DDB1: variants seen among roughly 807,000 people sequenced by gnomAD.
The protein encoded by DDB1 is DNA damage-binding protein 1.
DDB1 carries 18 observed loss-of-function variants against 133.1 expected under a neutral mutation model. The ratio of observed to expected loss-of-function variants is 0.14; its 90% CI spans 0.09 to 0.20. The LOEUF is 0.20. DDB1 is among the 10% of genes least tolerant of loss of function. DDB1 has a pLI of 1.00. For missense variants in DDB1, 828 were observed against 1,459.2 expected, an observed-to-expected ratio of 0.57 and a Z score of 7.05; for synonymous variants, 580 against 550.5, an observed-to-expected ratio of 1.05 and a Z score of -0.75.
At chr11:61,302,043 A>G (rs552252536) in intron 25 of DDB1, 1 of 459,802 alleles carries the variant, frequency 2.2e-6, no homozygotes. Context: ...GACCAGCGGA[A>G]GCTAGGTGAT....
At position 61,330,021 on chromosome 11, in the gene DDB1, G is replaced by A. The variant is rs139037061; in HGVS notation, c.264C>T (p.Ile88=). The change falls in exon 3 of 27, where the codon ATC becomes ATT. Residue 88 remains isoleucine, a synonymous_variant. Transcript: ENST00000301764. The part of the protein sequence containing the change: ...FILTAKYNAC[I]LEYKQSGESI... ...TCTCGCCACTCTGTTTATACTCCAG[G>A]ATGCAGGCATTGTACTTCGCTGTCA... is the stretch of plus-strand genomic sequence containing the variant. 5 of 1,613,896 alleles carry A rather than the reference G, an allele frequency of 3.1e-6. No homozygotes were observed. The highest frequency in any genetic ancestry group is 4.2e-6 in the Non-Finnish European group (5 of 1,179,912).
At position 61,299,811 on chromosome 11, in the gene DDB1, G is replaced by A. The variant is rs1377851442; in HGVS notation, c.*325C>T. The A allele has an allele frequency of 1.9e-5, 8 of 423,258 alleles. No homozygotes were observed. The highest frequency in any genetic ancestry group is 1.1e-4 in the South Asian group (5 of 45,434). 26.2% of individuals were successfully genotyped at this position (423,258 alleles called of 1,614,324 possible). ...CACACACACATACACACACACACAC[G>A]CACAGCTTCCTTTCAGCCAAAGAAC... On this transcript the variant is annotated 3_prime_UTR_variant, in exon 27 of 27. Coordinates refer to ENST00000301764, the MANE Select transcript of DDB1 (RefSeq NM_001923.5).
chr11:61,311,468 C>G (rs1436555766), intron 18 of DDB1: 2 of 274,876 alleles, frequency 7.3e-6, no homozygotes, highest in African/African-American at 4.4e-5. Context: ...ACAAACAAAC[C>G]TGGAAGCCCG....
intron 21 of DDB1, among the ~76,000 whole-genome samples, chr11:61,308,203 AC>A (rs770219025): frequency 7.9e-5 from 12 of 152,296 alleles, no homozygotes; most frequent in Admixed American, 7.8e-4. Context: ...TCACCAGAAC[AC>A]CAGCTCAGTC....
intron 22 of DDB1, 151 bp downstream of exon 22, chr11:61,303,714 A>C: frequency 1.1e-6 from 1 of 922,182 alleles, no homozygotes. Context: ...AAAAAAAAAA[A>C]AAAAAAAAAA....
intron 1 of DDB1, chr11:61,332,014 G>A: frequency 8.9e-6 from 2 of 224,108 alleles, no homozygotes; most frequent in Non-Finnish European, 1.8e-5. Context: ...AGTTACAGTG[G>A]CAGGCTCTAA....
Position 61,303,309 on chromosome 11 carries a change from C to T in DDB1, c.2833-154G>A, listed in dbSNP as rs551571659. ...AAGTGTCACCCTAGAGGGATTCTCC[C>T]CGACCTCTCTGCCAACGCAGCCCAT... On this transcript the variant is annotated intron_variant, in intron 22 of 26. Transcript: ENST00000301764. The T allele has an allele frequency of 7.4e-5, 49 of 663,018 alleles. No individual in the cohort carries two copies. In the East Asian group the frequency reaches 1.4e-3, roughly 19 times the overall value. The allele number at this position is 663,018 out of a possible 1,614,324, so 41.1% of individuals were successfully genotyped here.
At chr11:61,301,190 C>G (rs551005012) in intron 25 of DDB1, 1 of 425,840 alleles carries the variant, frequency 2.3e-6, no homozygotes, top group East Asian at 5.1e-5. Context: ...ATGTGAAGCC[C>G]GTATATGTAT....
intron 21 of DDB1, among the ~76,000 whole-genome samples, chr11:61,305,085 A>C (rs1377414980): frequency 6.6e-6 from 1 of 151,742 alleles, no homozygotes; most frequent in African/African-American, 2.4e-5. Flanking sequence ...TTCAGGATCC[A>C]GATAATCCCC....
In DDB1 at chr11:61,314,154, C is replaced by T; in HGVS notation, c.1646G>A (p.Ser549Asn). 6.2e-7 allele frequency: 1 copy of T among 1,613,754 alleles called. No individual in the cohort carries two copies. Among genetic ancestry groups the T allele is most frequent in the East Asian group, 2.2e-5 (1 of 44,892 alleles). The stretch of plus-strand genomic sequence containing the variant: ...GGCACAAAGAGGGGACAGTCCATTG[C>T]TGTCTCCTAATGGGGTGATGTCCAA... ...ACLDITPLGD[S>N]NGLSPLCAIG... is the part of the protein sequence containing the mutation. Residue 549 changes from serine to asparagine, a missense_variant, in exon 14 of 27, where the codon AGC (serine) becomes AAC (asparagine). By Grantham distance (46) the Ser-to-Asn change is conservative. Transcript: ENST00000301764.
rs1196315415 is a variant in DDB1, at chr11:61,310,444, T to C, written c.2278-26A>G. 12 of 1,580,000 alleles carry C rather than the reference T, an allele frequency of 7.6e-6. No homozygotes were observed. The East Asian group carries it at 2.2e-4, about 30-fold the overall frequency. On this transcript the variant is annotated intron_variant, in intron 18 of 26. Coordinates refer to ENST00000301764, the MANE Select transcript of DDB1 (RefSeq NM_001923.5). ...CTGCAAACAGAGAGAATGCACATCA[T>C]CCTTCTCAAACACAGAAGAAGTGCT... is the stretch of plus-strand genomic sequence containing the variant.
chr11:61,329,863 T>A (rs909876983), intron 3 of DDB1, 95 bp downstream of exon 3: 5 of 1,077,570 alleles, frequency 4.6e-6, no homozygotes, highest in Non-Finnish European at 6.9e-6. Flanking sequence ...ATTTCTCTGA[T>A]CGAATAGAGA....
In DDB1 at chr11:61,313,741, A is replaced by G. The variant is rs373723297; in HGVS notation, c.1862-35T>C. The G allele has an allele frequency of 5.1e-6, 8 of 1,582,434 alleles. No individual in the cohort carries two copies. In the African/African-American group the frequency reaches 1.1e-4, roughly 21 times the overall value. On this transcript the variant is annotated intron_variant, in intron 15 of 26. Coordinates refer to ENST00000301764, the MANE Select transcript of DDB1 (RefSeq NM_001923.5). ...GAATGACATCAGGAGAAAGGAAGAA[A>G]GAAAACAGGACAAAAAGCTGGCCTG...
intron 16 of DDB1, 102 bp from the exon 17 acceptor site, chr11:61,312,186 G>C (rs1855984203): frequency 2.1e-6 from 2 of 964,558 alleles, no homozygotes; most frequent in Non-Finnish European, 3.3e-6. Context: ...GATTACACCA[G>C]CTTTGACTCC....
intron 1 of DDB1, chr11:61,332,267 TG>T (rs1174049993): frequency 8.4e-5 from 13 of 153,926 alleles, no homozygotes; most frequent in African/African-American, 3.1e-4. Context: ...CATGCAAGCT[TG>T]GGGTCTGCAT....
At chr11:61,326,348 G>T (rs1856270164) in intron 5 of DDB1, 3 of 228,732 alleles carry the variant, frequency 1.3e-5, no homozygotes, top group Non-Finnish European at 2.6e-5. Flanking sequence ...AAGAGATGGG[G>T]TCTCATTATG....
intron 9 of DDB1, chr11:61,322,048 T>G (rs1856188570): frequency 1.8e-6 from 1 of 547,628 alleles, no homozygotes; most frequent in Non-Finnish European, 3.2e-6. Flanking sequence ...GCCCTAATTT[T>G]CCTCACTTCT....
Position 61,332,933 on chromosome 11 carries a change from G to A in DDB1, c.36C>T (p.Pro12=). 6.6e-7 allele frequency: 1 copy of A among 1,511,806 alleles called. No individual in the cohort carries two copies. Among genetic ancestry groups the A allele is most frequent in the South Asian group, 1.2e-5 (1 of 81,178 alleles). 93.6% of individuals were successfully genotyped at this position (1,511,806 alleles called of 1,614,324 possible). Residue 12 remains proline, a synonymous_variant, in exon 1 of 27, where the codon CCC becomes CCT. Transcript: ENST00000301764. The part of the protein sequence containing the change: ...SYNYVVTAQK[P]TAVNGCVTGH... ...CGGTCACGCAGCCGTTCACGGCGGT[G>A]GGCTTCTGGGCCGTTACCACGTAGT...
intron 5 of DDB1, chr11:61,326,247 C>G (rs1484789436): frequency 4.6e-6 from 1 of 217,626 alleles, no homozygotes; most frequent in African/African-American, 2.4e-5. Context: ...ATGGGCAGGT[C>G]CCTCTGGCCC....
Sources: gnomAD v4.1 joint callset for allele counts (sites outside exome capture counted in the v4.1 genomes callset) on GRCh38, gnomAD v4.1.1 for gene constraint, MANE v1.5 for transcripts, NCBI Gene and HGNC (gene_info 2026-07-23, HGNC 2026-07-21) for gene names.